The following MEX3C variants were observed in gnomAD, a reference collection of about 807,000 sequenced individuals.
MEX3C encodes mex-3 RNA binding family member C.
Under a neutral mutation model 35.5 loss-of-function variants are expected in MEX3C, and 15 were observed. The ratio of observed to expected loss-of-function variants is 0.42; its 90% CI spans 0.28 to 0.65. The LOEUF (loss-of-function observed/expected upper bound fraction) is 0.65. Ranked by LOEUF, MEX3C falls within the 30% of genes least tolerant of loss-of-function variation. The pLI is 0.20. For missense variants in MEX3C, 711 were observed against 842.8 expected, an observed-to-expected ratio of 0.84 and a Z score of 1.94; for synonymous variants, 390 against 352.8, an observed-to-expected ratio of 1.11 and a Z score of -1.18.
intron 1 of MEX3C, 116 bp downstream of exon 1, chr18:51,196,451 G>A (rs1448173290): frequency 2.1e-6 from 3 of 1,462,934 alleles, no homozygotes; most frequent in Admixed American, 2.4e-5. Flanking sequence ...AGACCCCTTC[G>A]CGGTGGACTT....
At chr18:51,196,350 T>C in intron 1 of MEX3C, 1 of 1,123,532 alleles carries the variant, frequency 8.9e-7, no homozygotes, top group Non-Finnish European at 1.2e-6. Flanking sequence ...CCCGAGAAAC[T>C]TCACACTTTT....
chr18:51,181,137 G>C (rs1294148381), intron 1 of MEX3C, among the ~76,000 whole-genome samples: 4 of 152,194 alleles, frequency 2.6e-5, no homozygotes, highest in Admixed American at 6.5e-5. Context: ...AAAAATAATA[G>C]AATTTATAAT....
chr18:51,178,519 C>T (rs1912352305), intron 1 of MEX3C, among the ~76,000 whole-genome samples: 1 of 152,052 alleles, frequency 6.6e-6, no homozygotes. Flanking sequence ...CTAACTTGAG[C>T]TTGCCAGCAT....
rs1912861582 is a variant in MEX3C, at chr18:51,197,678, G to A, written c.-358C>T. On this transcript the variant is annotated 5_prime_UTR_variant, in exon 1 of 2. Transcript: ENST00000406189. The stretch of plus-strand genomic sequence containing the variant: ...GCGGCTACGCCCCACGCCGCTCTCC[G>A]AATGAAGCCGGCGCGCTCTGATTGG... Among the ~76,000 whole-genome samples, 1 of 151,310 alleles carries A rather than the reference G, an allele frequency of 6.6e-6. No individual in the cohort carries two copies. Among genetic ancestry groups the A allele is most frequent in the African/African-American group, 2.4e-5 (1 of 41,148 alleles).
intron 1 of MEX3C, among the ~76,000 whole-genome samples, chr18:51,185,504 A>G (rs1327695684): frequency 6.6e-6 from 1 of 152,210 alleles, no homozygotes; most frequent in Non-Finnish European, 1.5e-5. Flanking sequence ...CACCTGCAAC[A>G]TCCCTTTTGC....
intron 1 of MEX3C, 44 bp downstream of exon 1, chr18:51,196,523 G>C: frequency 6.5e-7 from 1 of 1,527,188 alleles, no homozygotes; most frequent in African/African-American, 1.4e-5. Flanking sequence ...CCCCACCCAC[G>C]CCCGGGGCCA....
chr18:51,188,099 C>T lies in MEX3C; in HGVS notation c.754+8468G>A, dbSNP rs140607642. ...ACTAATAGCTTTCCTTTCTAGGGTT[C>T]AAGTGGCCTCCTTGTAGCTATTTTA... On this transcript the variant is annotated intron_variant, in intron 1 of 1. Coordinates refer to ENST00000406189, the MANE Select transcript of MEX3C (RefSeq NM_016626.5). Among the ~76,000 whole-genome samples, 514 of 152,282 alleles carry T rather than the reference C, an allele frequency of 3.4e-3. 3 individuals are homozygous for T. The highest frequency in any genetic ancestry group is 3.5e-3 in the Non-Finnish European group (235 of 68,020).
chr18:51,186,368 G>A (rs1472132024), intron 1 of MEX3C, among the ~76,000 whole-genome samples: 1 of 152,206 alleles, frequency 6.6e-6, no homozygotes, highest in East Asian at 1.9e-4. Flanking sequence ...TCTGAACTGA[G>A]GCTTAAAGAA....
chr18:51,176,369 T>C lies in MEX3C; in HGVS notation c.1962A>G (p.Ala654=), dbSNP rs770270952. Residue 654 remains alanine (A), a synonymous_variant, in exon 2 of 2, where the codon GCA becomes GCG. Transcript: ENST00000406189. ...CPVCQTAVTQ[A]IQIHS ...TATATAGTTAAGAGTGAATTTGGAT[T>C]GCCTGAGTAACAGCTGTCTGGCAAA... is the stretch of plus-strand genomic sequence containing the variant. The C allele has an allele frequency of 6.2e-7, 1 of 1,613,438 alleles. No individual in the cohort carries two copies. The highest frequency in any genetic ancestry group is 2.2e-5 in the East Asian group (1 of 44,878).
In MEX3C at chr18:51,175,877, GTAAAAT is replaced by G. The variant is rs1324758427; in HGVS notation, c.*468_*473del. On this transcript the variant is annotated 3_prime_UTR_variant, in exon 2 of 2. Transcript: ENST00000406189. ...CCTGCAGAATTAGGCATATGTTGTT[GTAAAAT>G]AAAAAACAAACCTGTTTTGTCAAAA... is the stretch of plus-strand genomic sequence containing the variant. 6.5e-6 allele frequency: 1 copy of G among 153,270 alleles called. No homozygotes were observed. Among genetic ancestry groups the G allele is most frequent in the Non-Finnish European group, 1.5e-5 (1 of 68,606 alleles). The allele number at this position is 153,270 out of a possible 1,614,324, so 9.5% of individuals were successfully genotyped here.
At chr18:51,187,160 A>C (rs528099900) in intron 1 of MEX3C, among the ~76,000 whole-genome samples, 55 of 152,202 alleles carry the variant, frequency 3.6e-4, no homozygotes, top group Non-Finnish European at 6.6e-4. Flanking sequence ...TTCCTCTTCT[A>C]TCTCTGCTCG....
chr18:51,192,523 T>C (rs970231703), intron 1 of MEX3C, among the ~76,000 whole-genome samples: 4 of 152,200 alleles, frequency 2.6e-5, no homozygotes, highest in African/African-American at 7.2e-5. Context: ...ATTAAAACTG[T>C]GCCTTGTGGG....
chr18:51,176,412 C>G lies in MEX3C; in HGVS notation c.1919G>C (p.Arg640Thr). The change falls in exon 2 of 2, where the codon AGA becomes ACA. Residue 640 changes from arginine (R) to threonine (T), a missense_variant. Coordinates refer to ENST00000406189, the MANE Select transcript of MEX3C (RefSeq NM_016626.5). ...CTGGCAAACTGGACATGATGGCGTT[C>G]TCTTTTCACAGATCTTGTTGGCACA... ...MECANKICEK[R>T]TPSCPVCQTA... 5 of 1,613,980 alleles carry G rather than the reference C, an allele frequency of 3.1e-6. No homozygotes were observed. The East Asian group carries it at 1.1e-4, about 36-fold the overall frequency.
chr18:51,182,708 G>C (rs1004610393), intron 1 of MEX3C, among the ~76,000 whole-genome samples: 1 of 152,078 alleles, frequency 6.6e-6, no homozygotes, highest in Non-Finnish European at 1.5e-5. Context: ...CCTAGCCTTA[G>C]AAATTAAGAC....
chr18:51,197,103 G>C lies in MEX3C; in HGVS notation c.218C>G (p.Pro73Arg). 2 of 1,174,500 alleles carry C rather than the reference G, an allele frequency of 1.7e-6. No homozygotes were observed. The highest frequency in any genetic ancestry group is 2.1e-6 in the Non-Finnish European group (2 of 953,836). The allele number at this position is 1,174,500 out of a possible 1,614,324, so 72.8% of individuals were successfully genotyped here. A position where few individuals can be genotyped will look rare whatever the true frequency, so the allele number is the denominator to read the frequency against. ...AEPGAPALRA[P>R]AAAAQGQARR... ...GGCCTGGCCCTGCGCCGCCGCTGCC[G>C]GGGCCCGAAGCGCCGGGGCGCCGGG... is the stretch of plus-strand genomic sequence containing the variant. The change falls in exon 1 of 2, where the codon CCG becomes CGG. Residue 73 changes from proline (P) to arginine (R), a missense_variant. This residue lies in a region of MEX3C where 354 missense variants were observed against 311.6 expected (regional missense o/e 1.14). Coordinates refer to ENST00000406189, the MANE Select transcript of MEX3C (RefSeq NM_016626.5).
intron 1 of MEX3C, among the ~76,000 whole-genome samples, chr18:51,191,949 C>A (rs1912660063): frequency 6.6e-6 from 1 of 152,072 alleles, no homozygotes; most frequent in Admixed American, 6.6e-5. Context: ...GTATAAGCTA[C>A]GATATTAAAA....
intron 1 of MEX3C, among the ~76,000 whole-genome samples, chr18:51,180,141 T>C (rs527468059): frequency 6.6e-6 from 1 of 152,094 alleles, no homozygotes. Flanking sequence ...AAGAAAACTA[T>C]GTAAAAATCC....
At chr18:51,180,672 G>A (rs1041555221) in intron 1 of MEX3C, among the ~76,000 whole-genome samples, 3 of 152,174 alleles carry the variant, frequency 2.0e-5, no homozygotes, top group East Asian at 3.9e-4. Flanking sequence ...TAGTAGAGAC[G>A]GGTTTTCACC....
intron 1 of MEX3C, among the ~76,000 whole-genome samples, chr18:51,185,093 G>C (rs963905700): frequency 2.0e-5 from 3 of 152,164 alleles, no homozygotes; most frequent in Non-Finnish European, 4.4e-5. Flanking sequence ...AGTTTGGTGG[G>C]TCAGACATCT....
Sources: allele counts gnomAD v4.1 joint callset (sites outside exome capture counted in the v4.1 genomes callset), GRCh38; gene constraint gnomAD v4.1.1; regional missense constraint gnomAD v4.1.1; transcripts MANE v1.5; gene names NCBI Gene and HGNC (gene_info 2026-07-23, HGNC 2026-07-21).